Variants in CENPU observed in about 807,000 individuals in gnomAD.
The protein encoded by CENPU is KSHV latent nuclear antigen interacting protein 1.
Under a neutral mutation model 56.7 loss-of-function variants are expected in CENPU, and 46 were observed. The observed-to-expected ratio is 0.81, with a 90% CI of 0.64 to 1.04. CENPU has a LOEUF of 1.04. CENPU is among the 50% of genes least tolerant of loss of function. The probability of loss-of-function intolerance (pLI) is 0.00; values close to 1 mark genes in which losing one functional copy is unlikely to be tolerated. For missense variants in CENPU, 510 were observed against 490.1 expected, an observed-to-expected ratio of 1.04 and a Z score of -0.38; for synonymous variants, 166 against 163.0, an observed-to-expected ratio of 1.02 and a Z score of -0.14.
chr4:184,706,899 T>TCAAGACTGAAACTGGGG (rs1561132087), intron 8 of CENPU, among the ~76,000 whole-genome samples: 1 of 151,816 alleles, frequency 6.6e-6, no homozygotes, highest in African/African-American at 2.4e-5. Flanking sequence ...CCCTGTGTCC[T>TCAAGACTGAAACTGGGG]TACTACCCAC....
chr4:184,702,213 A>T, intron 9 of CENPU, 77 bp from the exon 10 acceptor site: 1 of 1,298,056 alleles, frequency 7.7e-7, no homozygotes, highest in Non-Finnish European at 1.1e-6. Flanking sequence ...TGTCACATTT[A>T]GTTTAAAAAC....
intron 5 of CENPU, 24 bp from the exon 6 acceptor site, chr4:184,716,657 T>C: frequency 1.3e-6 from 2 of 1,526,146 alleles, no homozygotes; most frequent in Non-Finnish European, 1.8e-6. Context: ...AAAACAGCAG[T>C]ACTTATGTAG....
intron 7 of CENPU, among the ~76,000 whole-genome samples, chr4:184,712,727 A>C (rs541240367): frequency 6.6e-6 from 1 of 152,328 alleles, no homozygotes; most frequent in East Asian, 1.9e-4. Context: ...GGGTATATGA[A>C]TATATACTAT....
At position 184,694,840 on chromosome 4, in the gene CENPU, G is replaced by GATAA. The variant is rs1760171737; in HGVS notation, c.*444_*447dup. ...AATTTGCCTGATGTCTGTGAGATTT[G>GATAA]ATAAATATATCATTCAACCTGTTTA... On this transcript the variant is annotated 3_prime_UTR_variant, in exon 13 of 13. Coordinates refer to ENST00000281453, the MANE Select transcript of CENPU (RefSeq NM_024629.4). The GATAA allele has an allele frequency of 7.3e-7, 1 of 1,373,932 alleles. No homozygotes were observed. The highest frequency in any genetic ancestry group is 1.9e-5 in the Admixed American group (1 of 52,806). 85.1% of individuals were successfully genotyped at this position (1,373,932 alleles called of 1,614,324 possible). A position where few individuals can be genotyped will look rare whatever the true frequency, so the allele number is the denominator to read the frequency against.
At chr4:184,730,784 T>G (rs1761613373) in intron 2 of CENPU, 136 bp downstream of exon 2, 2 of 568,808 alleles carry the variant, frequency 3.5e-6, no homozygotes, top group African/African-American at 2.0e-5. Flanking sequence ...GGAAAAAGTG[T>G]GAGGAAAATG....
Position 184,710,152 on chromosome 4 carries a change from A to C in CENPU, c.717T>G (p.Cys239Trp). The C allele has an allele frequency of 6.2e-7, 1 of 1,608,560 alleles. No individual in the cohort carries two copies. The highest frequency in any genetic ancestry group is 8.5e-7 in the Non-Finnish European group (1 of 1,176,746). Residue 239 changes from cysteine to tryptophan, a missense_variant, in exon 8 of 13, where the codon TGT (cysteine) becomes TGG (tryptophan). By Grantham distance (215) the Cys-to-Trp change is radical. Transcript: ENST00000281453. ...TGTCACTGGTTTTCATTCCTTCTGG[A>C]CACCAAATGTGCACAATGTCAGAAG... ...SDTSDIVHIW[C>W]PEGMKTSDIK... is the part of the protein sequence containing the mutation.
In CENPU at chr4:184,716,408, C is replaced by CTAT. The variant is rs1185356364; in HGVS notation, c.604_606dup (p.Ile202dup). ...GCAGACGTTCTTACCGATTGACTTT[C>CTAT]TATTGCCAAGTTCTCTTTTTCAACA... On this transcript the variant is annotated inframe_insertion, in exon 6 of 13. Coordinates refer to ENST00000281453, the MANE Select transcript of CENPU (RefSeq NM_024629.4). 1 of 1,613,238 alleles carries CTAT rather than the reference C, an allele frequency of 6.2e-7. No homozygotes were observed. The highest frequency in any genetic ancestry group is 8.5e-7 in the Non-Finnish European group (1 of 1,179,614).
chr4:184,710,912 G>GT (rs1760901500), intron 7 of CENPU, among the ~76,000 whole-genome samples: 1 of 152,122 alleles, frequency 6.6e-6, no homozygotes, highest in Non-Finnish European at 1.5e-5. Flanking sequence ...CTGCAGTGCA[G>GT]TAGCACGCTC....
Position 184,694,262 on chromosome 4 carries a change from G to T in CENPU, c.*1026C>A. 1 of 1,183,906 alleles carries T rather than the reference G, an allele frequency of 8.4e-7. No individual in the cohort carries two copies. The highest frequency in any genetic ancestry group is 4.0e-5 in the Admixed American group (1 of 25,076). 73.3% of individuals were successfully genotyped at this position (1,183,906 alleles called of 1,614,324 possible). On this transcript the variant is annotated 3_prime_UTR_variant, in exon 13 of 13. Coordinates refer to ENST00000281453, the MANE Select transcript of CENPU (RefSeq NM_024629.4). ...AATCCACCCTTGCTCTTCCGTCGGG[G>T]AGTATTGAAAAGTATGTGCACAGAA...
intron 5 of CENPU, 127 bp from the exon 6 acceptor site, chr4:184,716,760 T>G: frequency 1.4e-6 from 1 of 732,204 alleles, no homozygotes; most frequent in Non-Finnish European, 2.2e-6. Context: ...TTGAACATAA[T>G]AGGAAGACGG....
chr4:184,723,990 T>C (rs1195964943), intron 4 of CENPU, among the ~76,000 whole-genome samples: 1 of 150,396 alleles, frequency 6.6e-6, no homozygotes, highest in Non-Finnish European at 1.5e-5. Context: ...TTTGGCCGGG[T>C]GCAGTGGCTG....
At chr4:184,727,115 C>A (rs62339921) in intron 3 of CENPU, among the ~76,000 whole-genome samples, 3 of 97,878 alleles carry the variant, frequency 3.1e-5, no homozygotes, top group Non-Finnish European at 6.3e-5. Context: ...GACTTCGTCT[C>A]CAAAAAAAAA....
At chr4:184,708,627 T>C (rs1410768000) in intron 8 of CENPU, among the ~76,000 whole-genome samples, 4 of 152,080 alleles carry the variant, frequency 2.6e-5, no homozygotes, top group African/African-American at 7.2e-5. Flanking sequence ...AAAGCAACAC[T>C]TGATGTAAAA....
In CENPU at chr4:184,716,587, T is replaced by C. The variant is rs1435675176; in HGVS notation, c.428A>G (p.Glu143Gly). ...RPISDDSESIEESDTRRKVKS... is the reference protein window; with the variant it reads ...RPISDDSESIGESDTRRKVKS... Reference sequence around the variant, plus strand: ...AACTTTTCTCCTTGTATCACTTTCTTCAATGCTTTCAGAGTCATCACTAAT... The same window carrying C: ...AACTTTTCTCCTTGTATCACTTTCTCCAATGCTTTCAGAGTCATCACTAAT... Residue 143 changes from glutamate (E) to glycine (G), a missense_variant, in exon 6 of 13, where the codon GAA (glutamate) becomes GGA (glycine). Glu to Gly is a moderately conservative substitution (Grantham distance 98). Coordinates refer to ENST00000281453, the MANE Select transcript of CENPU (RefSeq NM_024629.4). The C allele has an allele frequency of 6.2e-7, 1 of 1,614,184 alleles. No individual in the cohort carries two copies. The highest frequency in any genetic ancestry group is 8.5e-7 in the Non-Finnish European group (1 of 1,180,028).
chr4:184,720,282 A>C lies in CENPU; in HGVS notation c.321-3086T>G, dbSNP rs1761231275. Among the ~76,000 whole-genome samples, 3 of 152,170 alleles carry C rather than the reference A, an allele frequency of 2.0e-5. No individual in the cohort carries two copies. The South Asian group carries it at 6.2e-4, about 32-fold the overall frequency. On this transcript the variant is annotated intron_variant, in intron 4 of 12. Coordinates refer to ENST00000281453, the MANE Select transcript of CENPU (RefSeq NM_024629.4). Reference sequence around the variant, plus strand: ...AGTCTCTTAATAGCAGAATCTATCAAGCAGAAGAAAGAATTAGTGAGCTTG... The same window carrying C: ...AGTCTCTTAATAGCAGAATCTATCACGCAGAAGAAAGAATTAGTGAGCTTG...
chr4:184,701,997 T>C (rs1760549480), intron 10 of CENPU, 92 bp downstream of exon 10: 2 of 799,186 alleles, frequency 2.5e-6, no homozygotes, highest in Admixed American at 2.4e-5. Context: ...CTACTCACAC[T>C]CTAAAGGCTG....
chr4:184,731,261 C>T (rs113704080), intron 1 of CENPU, among the ~76,000 whole-genome samples: 8 of 152,204 alleles, frequency 5.3e-5, no homozygotes, highest in African/African-American at 9.7e-5. Context: ...GGTAGGCTAA[C>T]GCTAAGCCCC....
At chr4:184,723,280 A>G (rs1761338457) in intron 4 of CENPU, among the ~76,000 whole-genome samples, 1 of 152,206 alleles carries the variant, frequency 6.6e-6, no homozygotes, top group Non-Finnish European at 1.5e-5. Context: ...AAGGGTTAAA[A>G]TGTGTATTCA....
At chr4:184,719,405 G>GTA (rs1761198760) in intron 4 of CENPU, among the ~76,000 whole-genome samples, 3 of 152,252 alleles carry the variant, frequency 2.0e-5, no homozygotes, top group Non-Finnish European at 4.4e-5. Context: ...ACAGTGGAAA[G>GTA]CAGAACCAGG....
Sources: allele counts gnomAD v4.1 joint callset (sites outside exome capture counted in the v4.1 genomes callset), GRCh38; gene constraint gnomAD v4.1.1; transcripts MANE v1.5; gene names NCBI Gene and HGNC (gene_info 2026-07-23, HGNC 2026-07-21).